PCNX1: variants seen among roughly 807,000 people sequenced by gnomAD.
The protein encoded by PCNX1 is pecanex 1, also known as pecanex-like protein 1.
Under a neutral mutation model 242.2 loss-of-function variants are expected in PCNX1, and 78 were observed. The ratio of observed to expected loss-of-function variants is 0.32; its 90% confidence interval spans 0.27 to 0.39. The LOEUF (loss-of-function observed/expected upper bound fraction) is 0.39. Ranked by LOEUF, PCNX1 falls within the 10% of genes least tolerant of loss-of-function variation. The pLI, the probability that PCNX1 is intolerant of heterozygous loss-of-function variation, is 1.00. For synonymous variants in PCNX1, 1,024 were observed against 1,032.9 expected (o/e 0.99, Z 0.17); for missense variants, 2,581 against 2,856.5 (o/e 0.90, Z 2.20).
chr14:71,073,273 G>A lies in PCNX1; in HGVS notation c.4853-272G>A, dbSNP rs376633139. Among the ~76,000 whole-genome samples the A allele has an allele frequency of 4.6e-5, 7 of 152,210 alleles. No homozygotes were observed. The South Asian group carries it at 1.4e-3, about 31-fold the overall frequency. ...AGATCACGCCACTGCACTCCAGCCT[G>A]GGCTACAGAGGGAGACTCTGTCTCA... On this transcript the variant is annotated intron_variant, in intron 26 of 35. Coordinates refer to ENST00000304743, the MANE Select transcript of PCNX1 (RefSeq NM_014982.3).
chr14:70,912,292 C>T (rs144279768), intron 1 of PCNX1, among the ~76,000 whole-genome samples: 226 of 152,154 alleles, frequency 1.5e-3, no homozygotes, highest in African/African-American at 5.3e-3. Context: ...TAAGTGGTTC[C>T]CAGACTCCTC....
chr14:71,069,859 A>ATTT (rs1395786590), intron 26 of PCNX1, among the ~76,000 whole-genome samples: 1 of 152,232 alleles, frequency 6.6e-6, no homozygotes, highest in African/African-American at 2.4e-5. Flanking sequence ...TCTTAAAATC[A>ATTT]GACAACAATG....
At chr14:71,031,747 A>C (rs2060390309) in intron 16 of PCNX1, 1 of 1,226,960 alleles carries the variant, frequency 8.2e-7, no homozygotes, top group Non-Finnish European at 1.2e-6. Flanking sequence ...TCTCACATCA[A>C]CGACATTTTT....
At chr14:70,989,597 T>G (rs2059101156) in intron 7 of PCNX1, among the ~76,000 whole-genome samples, 1 of 151,328 alleles carries the variant, frequency 6.6e-6, no homozygotes, top group African/African-American at 2.4e-5. Flanking sequence ...TCGCGTGATC[T>G]TGGCTCACTG....
At chr14:71,013,562 G>GTTTTTTTTTTTTTTTTTT (rs2059879932) in intron 11 of PCNX1, among the ~76,000 whole-genome samples, 1 of 145,564 alleles carries the variant, frequency 6.9e-6, no homozygotes, top group Non-Finnish European at 1.5e-5. Context: ...TGTTTCCCTG[G>GTTTTTTTTTTTTTTTTTT]TTCTTAACAC....
At chr14:71,068,595 T>C (rs536434884) in intron 26 of PCNX1, among the ~76,000 whole-genome samples, 9 of 137,780 alleles carry the variant, frequency 6.5e-5, no homozygotes, top group African/African-American at 1.1e-4. Context: ...TACGTGCGTG[T>C]GTGTGTGTGT....
chr14:70,994,874 T>TG (rs1555357626), intron 7 of PCNX1, among the ~76,000 whole-genome samples: 1 of 151,746 alleles, frequency 6.6e-6, no homozygotes, highest in Admixed American at 6.6e-5. Context: ...TTCTAATAAA[T>TG]AATTTTAATC....
chr14:71,073,621 A>C lies in PCNX1; in HGVS notation c.4929A>C (p.Glu1643Asp), dbSNP rs1298298460. 1 of 1,613,862 alleles carries C rather than the reference A, an allele frequency of 6.2e-7. No homozygotes were observed. The highest frequency in any genetic ancestry group is 8.5e-7 in the Non-Finnish European group (1 of 1,179,952). The change falls in exon 27 of 36, where the codon GAA becomes GAC. Residue 1643 changes from glutamate (E) to aspartate (D), a missense_variant. Glu to Asp is a conservative substitution (Grantham distance 45). This residue lies in a region of PCNX1 where 298 missense variants were observed against 480.1 expected (regional missense o/e 0.62). Coordinates refer to ENST00000304743, the MANE Select transcript of PCNX1 (RefSeq NM_014982.3). The part of the protein sequence containing the change: ...VEEDEGFCCC[E>D]PGHIPHMLSF... ...AAGATGAAGGATTTTGCTGTTGTGAACCTGGCCATATTCCTCACATGCTTT... is the reference window on the plus strand; with the variant it reads ...AAGATGAAGGATTTTGCTGTTGTGACCCTGGCCATATTCCTCACATGCTTT...
intron 1 of PCNX1, among the ~76,000 whole-genome samples, chr14:70,937,757 T>C (rs1309882585): frequency 6.6e-6 from 1 of 152,248 alleles, no homozygotes. Context: ...TGATTCTTCC[T>C]ATCCATGAGC....
intron 1 of PCNX1, among the ~76,000 whole-genome samples, chr14:70,944,115 A>G (rs1309955329): frequency 6.6e-6 from 1 of 152,232 alleles, no homozygotes; most frequent in Non-Finnish European, 1.5e-5. Context: ...CAGAGTCCCC[A>G]CTGGGCATGG....
chr14:71,055,438 T>A, intron 24 of PCNX1, 66 bp from the exon 25 acceptor site: 1 of 903,964 alleles, frequency 1.1e-6, no homozygotes, highest in Non-Finnish European at 1.8e-6. Flanking sequence ...AGTTTCTTCC[T>A]CAGTCTAAAT....
At chr14:70,958,813 C>A (rs966219721) in intron 2 of PCNX1, among the ~76,000 whole-genome samples, 1 of 151,400 alleles carries the variant, frequency 6.6e-6, no homozygotes, top group African/African-American at 2.4e-5. Context: ...TAGAGCCCAC[C>A]CCTAAACCTG....
At chr14:71,053,015 C>T (rs1245219416) in intron 24 of PCNX1, among the ~76,000 whole-genome samples, 2 of 152,188 alleles carry the variant, frequency 1.3e-5, no homozygotes, top group African/African-American at 2.4e-5. Flanking sequence ...CTGCCTTTCT[C>T]TCTATACTTT....
chr14:70,956,018 G>A (rs1402085967), intron 2 of PCNX1, among the ~76,000 whole-genome samples: 3 of 152,000 alleles, frequency 2.0e-5, no homozygotes, highest in Non-Finnish European at 4.4e-5. Flanking sequence ...GGCACATGTA[G>A]CAATGTCTGG....
chr14:71,017,833 T>C (rs542002021), intron 11 of PCNX1, among the ~76,000 whole-genome samples: 27 of 152,338 alleles, frequency 1.8e-4, no homozygotes, highest in African/African-American at 6.0e-4. Flanking sequence ...GGAAATACTA[T>C]TGAACTTTTT....
At chr14:71,028,130 T>C (rs2060286368) in intron 15 of PCNX1, among the ~76,000 whole-genome samples, 1 of 151,906 alleles carries the variant, frequency 6.6e-6, no homozygotes, top group African/African-American at 2.4e-5. Flanking sequence ...TATTAGTAAT[T>C]ATCTATTTCA....
At chr14:71,068,583 T>C (rs1261502366) in intron 26 of PCNX1, among the ~76,000 whole-genome samples, 2 of 120,430 alleles carry the variant, frequency 1.7e-5, no homozygotes, top group Admixed American at 9.8e-5. Flanking sequence ...TAGGTTTGTA[T>C]GTACGTGCGT....
At chr14:70,912,059 C>T (rs1282607119) in intron 1 of PCNX1, among the ~76,000 whole-genome samples, 4 of 151,884 alleles carry the variant, frequency 2.6e-5, no homozygotes, top group African/African-American at 9.7e-5. Context: ...CACGGTGAAA[C>T]CCCGTCTCTA....
chr14:71,057,674 A>G lies in PCNX1; in HGVS notation c.4802A>G (p.Glu1601Gly). Residue 1601 changes from glutamate to glycine, a missense_variant, in exon 26 of 36, where the codon GAG becomes GGG. Transcript: ENST00000304743. ...DYLNALVHLI[E>G]IGNGLVTFQL... ...CTCAATGCATTAGTACACCTTATAG[A>G]GATAGGCAATGGTCTGGTCACTTTT... 2 of 1,614,000 alleles carry G rather than the reference A, an allele frequency of 1.2e-6. No individual in the cohort carries two copies. The highest frequency in any genetic ancestry group is 1.7e-6 in the Non-Finnish European group (2 of 1,179,914).
Sources: allele counts gnomAD v4.1 joint callset (sites outside exome capture counted in the v4.1 genomes callset), GRCh38; gene constraint gnomAD v4.1.1; regional missense constraint gnomAD v4.1.1; transcripts MANE v1.5; gene names NCBI Gene and HGNC (gene_info 2026-07-23, HGNC 2026-07-21).